TM9SF2: variants seen among roughly 807,000 people sequenced by gnomAD.
TM9SF2 encodes transmembrane 9 superfamily member 2, also known as 76 kDa membrane protein.
Under a neutral mutation model 84.9 loss-of-function variants are expected in TM9SF2, and 13 were observed. That is an observed-to-expected ratio of 0.15 (90% CI 0.10 to 0.24). The LOEUF is 0.24. Ranked by LOEUF, TM9SF2 falls within the 10% of genes least tolerant of loss-of-function variation. The pLI is 1.00. For synonymous variants in TM9SF2, 273 were observed against 285.8 expected, an observed-to-expected ratio of 0.96 and a Z score of 0.45; for missense variants, 562 against 818.5, an observed-to-expected ratio of 0.69 and a Z score of 3.82.
At chr13:99,536,509 A>C (rs1421785215) in intron 4 of TM9SF2, 99 bp from the exon 5 acceptor site, 21 of 1,407,614 alleles carry the variant, frequency 1.5e-5, no homozygotes, top group Non-Finnish European at 2.0e-5. Flanking sequence ...AGGCATTTAC[A>C]CATTTAAATT....
intron 13 of TM9SF2, 66 bp from the exon 14 acceptor site, chr13:99,554,238 C>T (rs1414628946): frequency 1.3e-6 from 2 of 1,546,668 alleles, no homozygotes; most frequent in South Asian, 1.2e-5. Flanking sequence ...CAAATAATCT[C>T]GTGTAGAGAA....
chr13:99,539,326 A>G (rs1039983204), intron 6 of TM9SF2, 120 bp from the exon 7 acceptor site: 45 of 685,090 alleles, frequency 6.6e-5, no homozygotes, highest in Non-Finnish European at 2.4e-5. Flanking sequence ...ATTAAGTGTG[A>G]CATGAATAAT....
chr13:99,530,833 A>G (rs1176254341), intron 4 of TM9SF2, among the ~76,000 whole-genome samples: 1 of 151,958 alleles, frequency 6.6e-6, no homozygotes, highest in Non-Finnish European at 1.5e-5. Context: ...AAAGTAGTAT[A>G]TACTTATTAT....
At position 99,534,996 on chromosome 13, in the gene TM9SF2, T is replaced by C. The variant is rs114245221; in HGVS notation, c.462-1612T>C. Among the ~76,000 whole-genome samples the C allele has an allele frequency of 5.1e-3, 773 of 151,920 alleles. 11 individuals are homozygous for C. Among genetic ancestry groups the C allele is most frequent in the African/African-American group, 0.018 (731 of 41,402 alleles). ...GAGACCCCAACTCTACAAAAAATAT[T>C]TAAAAATTAGCCAGGTGTGATGGCA... On this transcript the variant is annotated intron_variant, in intron 4 of 16. Transcript: ENST00000376387.
chr13:99,506,506 C>T (rs950767409), intron 1 of TM9SF2, among the ~76,000 whole-genome samples: 2 of 152,148 alleles, frequency 1.3e-5, no homozygotes, highest in Non-Finnish European at 2.9e-5. Flanking sequence ...TCTTCTTCTT[C>T]TGAAAAGGTA....
rs1206459461 is a variant in TM9SF2 at position 99,537,115 on chromosome 13, A to G, written c.591+378A>G. ...GAAGTCAGATATTATAACCTTTTTA[A>G]GACCTATGTGTCTTTGAGGCCATTA... On this transcript the variant is annotated intron_variant, in intron 5 of 16. Transcript: ENST00000376387. 2.1e-5 allele frequency among the ~76,000 whole-genome samples: 3 copies of G among 141,072 alleles called. No individual in the cohort carries two copies. In the East Asian group the frequency reaches 6.2e-4, roughly 29 times the overall value. The allele number at this position is 141,072 out of a possible 152,430, so 92.5% of individuals were successfully genotyped here.
At chr13:99,539,097 C>T (rs2046246829) in intron 6 of TM9SF2, among the ~76,000 whole-genome samples, 1 of 148,452 alleles carries the variant, frequency 6.7e-6, no homozygotes, top group South Asian at 2.2e-4. Context: ...GTAGTCCCAT[C>T]TACTTGGGAG....
chr13:99,503,893 T>C (rs1036511050), intron 1 of TM9SF2, among the ~76,000 whole-genome samples: 4 of 152,114 alleles, frequency 2.6e-5, no homozygotes, highest in African/African-American at 4.8e-5. Flanking sequence ...TTTGGATGTT[T>C]AATTTTCATA....
chr13:99,536,727 G>A lies in TM9SF2; in HGVS notation c.581G>A (p.Cys194Tyr). The part of the protein sequence containing the change: ...ITDKGHAKDA[C>Y]VISSDFHERD... ...GATAAAGGCCATGCAAAAGATGCCT[G>A]TGTTATTAGTGTAAGTTCATGATAA... The change falls in exon 5 of 17, where the codon TGT (cysteine) becomes TAT (tyrosine). Residue 194 changes from cysteine to tyrosine, a missense_variant. Physicochemically the swap from Cys to Tyr is radical, Grantham distance 194. Around this residue, in one of 4 missense-constraint regions of TM9SF2, gnomAD observed 267 missense variants for 316.7 expected, o/e 0.84. Transcript: ENST00000376387. The A allele has an allele frequency of 6.2e-7, 1 of 1,613,288 alleles. No individual in the cohort carries two copies. The highest frequency in any genetic ancestry group is 8.5e-7 in the Non-Finnish European group (1 of 1,179,564).
At chr13:99,550,334 G>A (rs2046300529) in intron 12 of TM9SF2, among the ~76,000 whole-genome samples, 1 of 152,070 alleles carries the variant, frequency 6.6e-6, no homozygotes, top group Non-Finnish European at 1.5e-5. Flanking sequence ...CATTTGCAGT[G>A]TAAAGCCACG....
chr13:99,553,355 C>T (rs925700588), intron 13 of TM9SF2, among the ~76,000 whole-genome samples: 5 of 152,316 alleles, frequency 3.3e-5, no homozygotes, highest in South Asian at 2.1e-4. Context: ...TAAACTTCTT[C>T]GGCATTTTGT....
At chr13:99,515,602 C>A (rs986045658) in intron 1 of TM9SF2, among the ~76,000 whole-genome samples, 1 of 152,126 alleles carries the variant, frequency 6.6e-6, no homozygotes, top group Non-Finnish European at 1.5e-5. Context: ...TGAACACTTC[C>A]CTCTTCTGAA....
chr13:99,542,295 T>G (rs2046263815), intron 9 of TM9SF2, among the ~76,000 whole-genome samples: 2 of 152,244 alleles, frequency 1.3e-5, no homozygotes, highest in African/African-American at 2.4e-5. Context: ...CCCTGACACA[T>G]ACCTGTTTGT....
At chr13:99,552,032 A>G in intron 12 of TM9SF2, 135 bp from the exon 13 acceptor site, 1 of 865,486 alleles carries the variant, frequency 1.2e-6, no homozygotes. Context: ...TTTTACATTC[A>G]GACATCCTGT....
At chr13:99,549,910 T>G (rs2139106464) in intron 12 of TM9SF2, among the ~76,000 whole-genome samples, 1 of 152,358 alleles carries the variant, frequency 6.6e-6, no homozygotes. Flanking sequence ...CAGCAGCATT[T>G]TAATACACAT....
intron 4 of TM9SF2, among the ~76,000 whole-genome samples, chr13:99,530,941 A>G (rs964592886): frequency 1.3e-5 from 2 of 151,318 alleles, no homozygotes; most frequent in Non-Finnish European, 2.9e-5. Flanking sequence ...GCTCACTGCA[A>G]CCTCCGTCTC....
intron 13 of TM9SF2, among the ~76,000 whole-genome samples, chr13:99,554,041 T>C (rs1164554836): frequency 6.6e-6 from 1 of 152,232 alleles, no homozygotes; most frequent in Non-Finnish European, 1.5e-5. Flanking sequence ...CTGTGTACTT[T>C]TTCCTGTGTC....
At chr13:99,525,138 T>C (rs1254375952) in intron 3 of TM9SF2, among the ~76,000 whole-genome samples, 4 of 152,154 alleles carry the variant, frequency 2.6e-5, no homozygotes, top group African/African-American at 9.7e-5. Context: ...GAAAGAGCAT[T>C]TGCAGGTGGA....
intron 3 of TM9SF2, among the ~76,000 whole-genome samples, chr13:99,521,042 G>A (rs1191786495): frequency 6.6e-6 from 1 of 152,002 alleles, no homozygotes; most frequent in East Asian, 1.9e-4. Flanking sequence ...CTTCCACATT[G>A]CATAATCCCT....
Sources: gnomAD v4.1 joint callset for allele counts (sites outside exome capture counted in the v4.1 genomes callset) on GRCh38, gnomAD v4.1.1 for gene constraint, gnomAD v4.1.1 regional missense constraint, MANE v1.5 for transcripts, NCBI Gene and HGNC (gene_info 2026-07-23, HGNC 2026-07-21) for gene names.